The following LRGUK variants were observed in gnomAD, a reference collection of about 807,000 sequenced individuals.
The protein encoded by LRGUK is leucine-rich repeat and guanylate kinase domain-containing protein.
A neutral mutation model predicts 76.0 loss-of-function variants in LRGUK; 65 were observed. The ratio of observed to expected loss-of-function variants is 0.85; its 90% CI spans 0.70 to 1.05. The LOEUF is 1.05. Among genes scored for constraint, LRGUK ranks in the 50% least tolerant of loss-of-function variants. The probability of loss-of-function intolerance (pLI) is 0.00; values close to 1 mark genes in which losing one functional copy is unlikely to be tolerated. For missense variants in LRGUK, 758 were observed against 732.8 expected (o/e 1.03, Z -0.40); for synonymous variants, 268 against 265.6 (o/e 1.01, Z -0.09).
At chr7:134,178,948 A>ACCAAAAAAAAAAAAAC (rs1799620619) in intron 10 of LRGUK, among the ~76,000 whole-genome samples, 1 of 148,080 alleles carries the variant, frequency 6.8e-6, no homozygotes, top group African/African-American at 2.5e-5. Flanking sequence ...AAAAAAAAAA[A>ACCAAAAAAAAAAAAAC]CCAGGACCAA....
intron 16 of LRGUK, among the ~76,000 whole-genome samples, chr7:134,233,164 C>T (rs1323404583): frequency 2.0e-5 from 3 of 152,196 alleles, no homozygotes; most frequent in South Asian, 2.1e-4. Flanking sequence ...TGTTATACTT[C>T]AGTCTCCCTC....
intron 3 of LRGUK, among the ~76,000 whole-genome samples, chr7:134,142,363 C>G (rs937358023): frequency 1.3e-5 from 2 of 152,166 alleles, no homozygotes; most frequent in Non-Finnish European, 2.9e-5. Context: ...AAAGGTAAAA[C>G]AATAGTTCAT....
chr7:134,165,266 T>C (rs1798923908), intron 7 of LRGUK, among the ~76,000 whole-genome samples: 1 of 152,206 alleles, frequency 6.6e-6, no homozygotes, highest in Non-Finnish European at 1.5e-5. Flanking sequence ...ATTATTATTG[T>C]CATTTTACAG....
chr7:134,274,173 T>G, the LRGUK span, among the ~76,000 whole-genome samples: 391 of 152,326 alleles, frequency 2.6e-3, 2 homozygotes, highest in South Asian at 0.026. Context: ...GGAAATGAAC[T>G]TTTCATTTTA....
chr7:134,166,587 C>T (rs949148372), intron 7 of LRGUK, among the ~76,000 whole-genome samples: 5 of 152,140 alleles, frequency 3.3e-5, no homozygotes, highest in Non-Finnish European at 7.4e-5. Context: ...ACTCATAAAG[C>T]AATGGCAGCA....
At chr7:134,171,196 A>G (rs1428409403) in intron 7 of LRGUK, among the ~76,000 whole-genome samples, 1 of 151,216 alleles carries the variant, frequency 6.6e-6, no homozygotes, top group Non-Finnish European at 1.5e-5. Context: ...TACTGAGAAG[A>G]TCTGTTTCTG....
exon 20 of LRGUK, chr7:134,263,921 C>G: frequency 1.9e-6 from 3 of 1,612,768 alleles, no homozygotes; most frequent in Non-Finnish European, 2.5e-6. Context: ...TCATCAGTCG[C>G]CCAGGTTCCA....
At chr7:134,129,147 C>T (rs1162265752) in intron 1 of LRGUK, among the ~76,000 whole-genome samples, 14 of 113,596 alleles carry the variant, frequency 1.2e-4, no homozygotes, top group African/African-American at 5.3e-4. Context: ...TCCCTCCCTT[C>T]CTTCCTCTTT....
chr7:134,193,753 A>G (rs1302748075), intron 12 of LRGUK, among the ~76,000 whole-genome samples: 2 of 152,080 alleles, frequency 1.3e-5, no homozygotes. Flanking sequence ...CCAATCACCC[A>G]CAGACACTCA....
chr7:134,129,040 AT>A (rs112177774), intron 1 of LRGUK, among the ~76,000 whole-genome samples: 16,601 of 149,692 alleles, frequency 0.11, 1,150 homozygotes, highest in East Asian at 0.3. Flanking sequence ...GAAGTAGAAT[AT>A]TTTCTTTTCT....
chr7:134,153,906 C>T (rs945138663), intron 5 of LRGUK, among the ~76,000 whole-genome samples: 5 of 152,178 alleles, frequency 3.3e-5, no homozygotes, highest in African/African-American at 4.8e-5. Context: ...GTTTGCTATA[C>T]ACTTGAACCA....
intron 17 of LRGUK, among the ~76,000 whole-genome samples, chr7:134,248,199 C>T (rs1019584996): frequency 3.9e-5 from 6 of 152,112 alleles, no homozygotes; most frequent in Admixed American, 1.3e-4. Flanking sequence ...GAGACACTGT[C>T]CCCCAGAGCA....
chr7:134,190,578 G>C (rs1301959443), intron 11 of LRGUK, among the ~76,000 whole-genome samples: 1 of 152,208 alleles, frequency 6.6e-6, no homozygotes, highest in African/African-American at 2.4e-5. Context: ...ACAGTGGAAG[G>C]CAGAATTATA....
At chr7:134,204,162 C>T (rs1401271004) in intron 15 of LRGUK, among the ~76,000 whole-genome samples, 1 of 152,136 alleles carries the variant, frequency 6.6e-6, no homozygotes, top group Non-Finnish European at 1.5e-5. Context: ...ACTGGGGGGG[C>T]TTGAACAAGA....
chr7:134,248,378 C>T (rs1802362222), intron 17 of LRGUK, among the ~76,000 whole-genome samples: 1 of 152,304 alleles, frequency 6.6e-6, no homozygotes, highest in Admixed American at 6.5e-5. Context: ...CTGCCTTGCA[C>T]ATAGCAACTC....
Position 134,143,173 on chromosome 7 carries a change from TGAATACCTTAA to T in LRGUK, c.588+12_588+22del. 6.8e-7 allele frequency: 1 copy of T among 1,477,186 alleles called. No homozygotes were observed. Among genetic ancestry groups the T allele is most frequent in the Non-Finnish European group, 9.5e-7 (1 of 1,055,778 alleles). 91.5% of individuals were successfully genotyped at this position (1,477,186 alleles called of 1,614,324 possible). On this transcript the variant is annotated intron_variant, in intron 4 of 15. Transcript: ENST00000645682. ...CCCAAAAACCTCAAGGTAGACTTTA[TGAATACCTTAA>T]TTACACATTAAGGGGTTTGCAAAAG...
chr7:134,203,337 G>C (rs1200481014), intron 15 of LRGUK, among the ~76,000 whole-genome samples: 2 of 152,116 alleles, frequency 1.3e-5, no homozygotes, highest in South Asian at 2.1e-4. Context: ...TGAGACCCTG[G>C]CTGCTTTGCA....
intron 11 of LRGUK, among the ~76,000 whole-genome samples, chr7:134,190,057 C>T (rs370915568): frequency 1.3e-5 from 2 of 152,130 alleles, no homozygotes; most frequent in African/African-American, 2.4e-5. Flanking sequence ...GTCATCCTGG[C>T]GTTGCTACTT....
intron 16 of LRGUK, among the ~76,000 whole-genome samples, chr7:134,229,132 T>G (rs747116310): frequency 6.6e-6 from 1 of 152,142 alleles, no homozygotes; most frequent in Non-Finnish European, 1.5e-5. Context: ...TCCCAGTACT[T>G]TGGGAGGCTG....
Sources: gnomAD v4.1 joint callset for allele counts (sites outside exome capture counted in the v4.1 genomes callset) on GRCh38, gnomAD v4.1.1 for gene constraint, MANE v1.5 for transcripts, NCBI Gene and HGNC (gene_info 2026-07-23, HGNC 2026-07-21) for gene names.